The following ACSS3 variants were observed in gnomAD, a reference collection of about 807,000 sequenced individuals.
The protein encoded by ACSS3 is acyl-CoA synthetase short-chain family member 3, mitochondrial.
ACSS3 carries 64 observed loss-of-function variants against 84.2 expected under a neutral mutation model. That is an observed-to-expected ratio of 0.76 (90% CI 0.62 to 0.94). The LOEUF (loss-of-function observed/expected upper bound fraction) is 0.94. Among genes scored for constraint, ACSS3 ranks in the 40% least tolerant of loss-of-function variants. The pLI, the probability that ACSS3 is intolerant of heterozygous loss-of-function variation, is 0.00. For synonymous variants in ACSS3, 317 were observed against 310.1 expected (o/e 1.02, Z -0.23); for missense variants, 815 against 867.6 (o/e 0.94, Z 0.76).
At chr12:81,195,162 A>G (rs2031766510) in intron 8 of ACSS3, among the ~76,000 whole-genome samples, 1 of 151,988 alleles carries the variant, frequency 6.6e-6, no homozygotes, top group Admixed American at 6.6e-5. Context: ...GATCAGCCAA[A>G]CCTATCATTT....
At chr12:81,136,772 T>C (rs1400558004) in intron 3 of ACSS3, among the ~76,000 whole-genome samples, 2 of 152,324 alleles carry the variant, frequency 1.3e-5, no homozygotes, top group East Asian at 1.9e-4. Context: ...GCAAGTGTCA[T>C]GTTTTAAACA....
intron 11 of ACSS3, among the ~76,000 whole-genome samples, chr12:81,221,954 A>G (rs1033550887): frequency 7.2e-5 from 11 of 152,052 alleles, no homozygotes. Flanking sequence ...TAAACTCCTC[A>G]TGGGTTTTGT....
intron 8 of ACSS3, 41 bp from the exon 9 acceptor site, chr12:81,199,300 T>C: frequency 6.5e-7 from 1 of 1,538,620 alleles, no homozygotes; most frequent in Non-Finnish European, 8.9e-7. Flanking sequence ...TATTTAGATT[T>C]ATTTTCCAGG....
intron 8 of ACSS3, among the ~76,000 whole-genome samples, chr12:81,188,484 G>A (rs539303152): frequency 9.2e-5 from 14 of 151,938 alleles, no homozygotes; most frequent in African/African-American, 2.7e-4. Flanking sequence ...ATCCTGCATC[G>A]CAGAAGCCCT....
intron 1 of ACSS3, among the ~76,000 whole-genome samples, chr12:81,107,950 G>T (rs1883216470): frequency 6.6e-6 from 1 of 151,942 alleles, no homozygotes; most frequent in Non-Finnish European, 1.5e-5. Flanking sequence ...TGCTTGCATC[G>T]TGTCTGCTGA....
chr12:81,231,575 T>C (rs1245547722), intron 12 of ACSS3, among the ~76,000 whole-genome samples: 3 of 151,784 alleles, frequency 2.0e-5, no homozygotes, highest in Non-Finnish European at 2.9e-5. Context: ...TGCCCAGAAG[T>C]TGTATTTTTC....
chr12:81,189,915 C>T (rs1419249869), intron 8 of ACSS3, among the ~76,000 whole-genome samples: 12 of 152,000 alleles, frequency 7.9e-5, no homozygotes, highest in Non-Finnish European at 1.6e-4. Context: ...TGATCAATTT[C>T]GATTTATTTA....
intron 9 of ACSS3, among the ~76,000 whole-genome samples, chr12:81,204,683 A>G (rs2135910729): frequency 6.6e-6 from 1 of 152,234 alleles, no homozygotes; most frequent in East Asian, 1.9e-4. Context: ...AATTCAGATT[A>G]TTTTTACCTG....
rs948454934 is a variant in ACSS3, at chr12:81,225,756, T to A, written c.1515-5301T>A. 2.0e-5 allele frequency among the ~76,000 whole-genome samples: 3 copies of A among 151,952 alleles called. No homozygotes were observed. The East Asian group carries it at 5.8e-4, about 29-fold the overall frequency. On this transcript the variant is annotated intron_variant, in intron 11 of 15. Coordinates refer to ENST00000548058, the MANE Select transcript of ACSS3 (RefSeq NM_024560.4). ...CACGTGTCTGTGATCATAGTTTATA[T>A]CCTTGTATCGTTAATGTGTAGCACA...
chr12:81,188,089 A>G (rs1445855547), intron 8 of ACSS3, among the ~76,000 whole-genome samples: 1 of 152,020 alleles, frequency 6.6e-6, no homozygotes, highest in East Asian at 1.9e-4. Flanking sequence ...TATTTTTTTG[A>G]ATTTAGAGAT....
intron 2 of ACSS3, among the ~76,000 whole-genome samples, chr12:81,124,765 C>A (rs1251471967): frequency 6.6e-6 from 1 of 152,162 alleles, no homozygotes; most frequent in Non-Finnish European, 1.5e-5. Flanking sequence ...AACAGACTTG[C>A]CTGTATCCAC....
intron 1 of ACSS3, among the ~76,000 whole-genome samples, chr12:81,080,952 A>T (rs957953131): frequency 6.6e-6 from 1 of 152,150 alleles, no homozygotes; most frequent in Non-Finnish European, 1.5e-5. Flanking sequence ...GAGAAGGGAG[A>T]TATTGACAGC....
At chr12:81,154,024 T>C (rs1455032635) in intron 7 of ACSS3, among the ~76,000 whole-genome samples, 1 of 152,264 alleles carries the variant, frequency 6.6e-6, no homozygotes, top group Non-Finnish European at 1.5e-5. Context: ...ATAGTGCTTT[T>C]ATATCTTGCA....
At chr12:81,079,337 T>G (rs2062024927) in intron 1 of ACSS3, among the ~76,000 whole-genome samples, 2 of 152,146 alleles carry the variant, frequency 1.3e-5, no homozygotes, top group African/African-American at 2.4e-5. Context: ...GTGTCTGCCC[T>G]CTGGGGGTGT....
intron 7 of ACSS3, among the ~76,000 whole-genome samples, chr12:81,162,816 G>A (rs151283562): frequency 6.6e-6 from 1 of 152,278 alleles, no homozygotes; most frequent in African/African-American, 2.4e-5. Context: ...GGCCAAGGAG[G>A]TAGGGGGCTG....
chr12:81,128,036 A>G (rs1313941070), intron 2 of ACSS3, among the ~76,000 whole-genome samples: 2 of 152,112 alleles, frequency 1.3e-5, no homozygotes, highest in Non-Finnish European at 2.9e-5. Flanking sequence ...TCATTTTATA[A>G]CTGAAATTTA....
chr12:81,194,242 GTTAAA>G (rs542840728), intron 8 of ACSS3, among the ~76,000 whole-genome samples: 46 of 151,522 alleles, frequency 3.0e-4, no homozygotes, highest in Non-Finnish European at 4.9e-4. Context: ...GGAATTGAGA[GTTAAA>G]TTATATTTGA....
intron 8 of ACSS3, 66 bp downstream of exon 8, chr12:81,175,005 A>AT (rs1593160322): frequency 1.2e-5 from 18 of 1,546,026 alleles, no homozygotes; most frequent in Admixed American, 1.1e-4. Flanking sequence ...AGTGAACATT[A>AT]TTTTTTTTCT....
chr12:81,139,403 T>C (rs1395203589), intron 4 of ACSS3, 138 bp downstream of exon 4: 26 of 995,608 alleles, frequency 2.6e-5, no homozygotes, highest in Non-Finnish European at 4.3e-6. Flanking sequence ...CTAAAAAATA[T>C]ATGAATAAGA....
Sources: allele counts gnomAD v4.1 joint callset (sites outside exome capture counted in the v4.1 genomes callset), GRCh38; gene constraint gnomAD v4.1.1; transcripts MANE v1.5; gene names NCBI Gene and HGNC (gene_info 2026-07-23, HGNC 2026-07-21).